The following PDE6B variants were observed in gnomAD, a reference collection of about 807,000 sequenced individuals.
The protein encoded by PDE6B is rod cGMP-specific 3',5'-cyclic phosphodiesterase subunit beta.
Under a neutral mutation model 109.0 loss-of-function variants are expected in PDE6B, and 106 were observed. The observed-to-expected ratio is 0.97, with a 90% CI of 0.83 to 1.14. The LOEUF is 1.14. PDE6B is among the 50% of genes most tolerant of loss of function. The pLI, the probability that PDE6B is intolerant of heterozygous loss-of-function variation, is 0.00. For missense variants in PDE6B, 1,193 were observed against 1,155.6 expected, an observed-to-expected ratio of 1.03 and a Z score of -0.47; for synonymous variants, 490 against 471.3, an observed-to-expected ratio of 1.04 and a Z score of -0.51.
chr4:665,013 G>A lies in PDE6B; in HGVS notation c.2193+69G>A. On this transcript the variant is annotated intron_variant, in intron 18 of 21. Coordinates refer to ENST00000496514, the MANE Select transcript of PDE6B (RefSeq NM_000283.4). This position sits in a 1 kb window ranked among gnomAD's most constrained non-coding sequence, Gnocchi z 4.0. The stretch of plus-strand genomic sequence containing the variant: ...GCACATGGGACTGCCGGGCGGGCGG[G>A]AGCCTCGGATGGCAACGGACCATTG... 2.3e-6 allele frequency: 3 copies of A among 1,297,122 alleles called. No individual in the cohort carries two copies. Among genetic ancestry groups the A allele is most frequent in the South Asian group, 1.2e-5 (1 of 84,738 alleles). The allele number at this position is 1,297,122 out of a possible 1,614,324, so 80.4% of individuals were successfully genotyped here.
At chr4:643,474 G>A (rs547508242) in intron 3 of PDE6B, among the ~76,000 whole-genome samples, 1 of 152,282 alleles carries the variant, frequency 6.6e-6, no homozygotes, top group East Asian at 1.9e-4. Context: ...GGAAGGGATT[G>A]TAGTGAATTG....
chr4:656,338 G>A (rs760011611), intron 8 of PDE6B, 46 bp downstream of exon 8: 8 of 1,249,146 alleles, frequency 6.4e-6, no homozygotes, highest in South Asian at 1.2e-5. Context: ...TTACAAAAGA[G>A]GAGATTTTGA....
chr4:626,958 C>T lies in PDE6B; in HGVS notation c.468+864C>T, dbSNP rs1577235631. ...AGGGGGGAAGCCCCTTCTCCCTGTC[C>T]TGCACCCGTCCCAGCTTCCTCTCCC... On this transcript the variant is annotated intron_variant, in intron 1 of 21. Coordinates refer to ENST00000496514, the MANE Select transcript of PDE6B (RefSeq NM_000283.4). The surrounding 1 kb of genome is among the most constrained non-coding windows in gnomAD (Gnocchi z 4.6). 6.6e-6 allele frequency among the ~76,000 whole-genome samples: 1 copy of T among 152,272 alleles called. No homozygotes were observed. The highest frequency in any genetic ancestry group is 1.5e-5 in the Non-Finnish European group (1 of 68,008).
At chr4:634,506 C>G (rs968698651) in intron 1 of PDE6B, among the ~76,000 whole-genome samples, 171 bp from the exon 2 acceptor site, 4 of 152,180 alleles carry the variant, frequency 2.6e-5, no homozygotes, top group African/African-American at 9.7e-5. Context: ...GCCACAGGGA[C>G]AGGCCCAGCT....
chr4:651,477 C>G (rs1334663599), intron 3 of PDE6B: 2 of 152,990 alleles, frequency 1.3e-5, no homozygotes, highest in African/African-American at 4.8e-5. Flanking sequence ...CGGCAGGAGA[C>G]AGACTGAGTG....
chr4:660,608 CAGG>C lies in PDE6B; in HGVS notation c.1613_1614+1del. 6.2e-7 allele frequency: 1 copy of C among 1,613,546 alleles called. No individual in the cohort carries two copies. Among genetic ancestry groups the C allele is most frequent in the South Asian group, 1.1e-5 (1 of 91,060 alleles). On this transcript the variant is annotated inframe_deletion and splice_region_variant, in exon 12 of 22. Coordinates refer to ENST00000496514, the MANE Select transcript of PDE6B (RefSeq NM_000283.4). ...CGTGGTCCGAAAGTTCCAGATCCCC[CAGG>C]AGGTGGGAGACACCGCAGGGCGCAT...
chr4:647,942 G>C lies in PDE6B; in HGVS notation c.712-5910G>C, dbSNP rs142148489. On this transcript the variant is annotated intron_variant, in intron 3 of 21. Transcript: ENST00000496514. ...TACAAAAAATTAGCTGGGCGTGGTG[G>C]TGCATGCCTATAACCCCAGCTACTC... 7.3e-3 allele frequency among the ~76,000 whole-genome samples: 1,108 copies of C among 152,018 alleles called. 14 individuals are homozygous for C. The highest frequency in any genetic ancestry group is 0.013 in the East Asian group (67 of 5,168).
chr4:637,946 G>A lies in PDE6B; in HGVS notation c.711+1977G>A, dbSNP rs531426173. Reference sequence around the variant, plus strand: ...GATACCAGCGCAGGGGAATAGCCGCGTCAGGACTGTTCACCCACACCCCGT... The same window carrying A: ...GATACCAGCGCAGGGGAATAGCCGCATCAGGACTGTTCACCCACACCCCGT... On this transcript the variant is annotated intron_variant, in intron 3 of 21. Coordinates refer to ENST00000496514, the MANE Select transcript of PDE6B (RefSeq NM_000283.4). 7.2e-5 allele frequency among the ~76,000 whole-genome samples: 11 copies of A among 152,290 alleles called. No individual in the cohort carries two copies. The South Asian group carries it at 8.3e-4, about 11-fold the overall frequency.
chr4:657,622 G>A (rs1316254216), intron 10 of PDE6B, 128 bp downstream of exon 10: 3 of 917,030 alleles, frequency 3.3e-6, no homozygotes, highest in Non-Finnish European at 5.1e-6. Flanking sequence ...GTCACCCAGG[G>A]GTCACGGCTG....
At chr4:651,545 T>C (rs1490702459) in intron 3 of PDE6B, 1 of 151,972 alleles carries the variant, frequency 6.6e-6, no homozygotes, top group African/African-American at 2.4e-5. Flanking sequence ...CGGCTCTGGG[T>C]GAACCAGTCA....
chr4:646,708 C>T (rs1379918502), intron 3 of PDE6B, among the ~76,000 whole-genome samples: 1 of 152,052 alleles, frequency 6.6e-6, no homozygotes, highest in Admixed American at 6.5e-5. Context: ...TCCGGCCGGG[C>T]GGCGGCGCAC....
At position 663,750 on chromosome 4, in the gene PDE6B, G is replaced by T; in HGVS notation, c.1921-20G>T. On this transcript the variant is annotated intron_variant, in intron 15 of 21. Coordinates refer to ENST00000496514, the MANE Select transcript of PDE6B (RefSeq NM_000283.4). The surrounding 1 kb of genome is among the most constrained non-coding windows in gnomAD (Gnocchi z 4.0). Reference sequence around the variant, plus strand: ...GAGGTGGCCGCAGGGCGCCTGACGCGCTGGGCATAACCTCCGCAGACCCTG... The same window carrying T: ...GAGGTGGCCGCAGGGCGCCTGACGCTCTGGGCATAACCTCCGCAGACCCTG... 6.3e-7 allele frequency: 1 copy of T among 1,597,090 alleles called. No individual in the cohort carries two copies. Among genetic ancestry groups the T allele is most frequent in the Non-Finnish European group, 8.6e-7 (1 of 1,165,998 alleles).
chr4:663,985 C>G lies in PDE6B; in HGVS notation c.2021+115C>G. 1 of 1,102,622 alleles carries G rather than the reference C, an allele frequency of 9.1e-7. No individual in the cohort carries two copies. Among genetic ancestry groups the G allele is most frequent in the Non-Finnish European group, 1.4e-6 (1 of 731,476 alleles). 68.3% of individuals were successfully genotyped at this position (1,102,622 alleles called of 1,614,324 possible). ...CGGGGGACGCAGCCCCGGATTCCGTCCCTGCCCGCCGGCCCCGCGCACCCC... is the reference window on the plus strand; with the variant it reads ...CGGGGGACGCAGCCCCGGATTCCGTGCCTGCCCGCCGGCCCCGCGCACCCC... On this transcript the variant is annotated intron_variant, in intron 16 of 21. Coordinates refer to ENST00000496514, the MANE Select transcript of PDE6B (RefSeq NM_000283.4). This position sits in a 1 kb window ranked among gnomAD's most constrained non-coding sequence, Gnocchi z 4.0.
rs377053879 is a variant in PDE6B at position 626,627 on chromosome 4, C to T, written c.468+533C>T. 1.2e-4 allele frequency among the ~76,000 whole-genome samples: 19 copies of T among 152,316 alleles called. No homozygotes were observed. In the South Asian group the frequency reaches 3.1e-3, roughly 25 times the overall value. On this transcript the variant is annotated intron_variant, in intron 1 of 21. Transcript: ENST00000496514. This position sits in a 1 kb window ranked among gnomAD's most constrained non-coding sequence, Gnocchi z 4.6. Reference sequence around the variant, plus strand: ...AGCAGCTTTATCCCATGGGAGCCCACGCCAGCCGCCAGGGGAGAACAAACC... The same window carrying T: ...AGCAGCTTTATCCCATGGGAGCCCATGCCAGCCGCCAGGGGAGAACAAACC...
intron 8 of PDE6B, among the ~76,000 whole-genome samples, chr4:656,623 T>A (rs1320450493): frequency 1.3e-5 from 2 of 151,064 alleles, no homozygotes; most frequent in Non-Finnish European, 2.9e-5. Context: ...CCCACACACA[T>A]GCCCATGAAA....
rs951591482 is a variant in PDE6B at position 663,044 on chromosome 4, G to T, written c.1833-56G>T. 2 of 969,452 alleles carry T rather than the reference G, an allele frequency of 2.1e-6. No homozygotes were observed. Among genetic ancestry groups the T allele is most frequent in the Non-Finnish European group, 3.4e-6 (2 of 591,528 alleles). The allele number at this position is 969,452 out of a possible 1,614,324, so 60.1% of individuals were successfully genotyped here. A position where few individuals can be genotyped will look rare whatever the true frequency, so the allele number is the denominator to read the frequency against. ...GGCCCATCTGGGGGGGCTGCAGAGCGCAGGGTGGGCCAAGGGCAGGTCCCA... is the reference window on the plus strand; with the variant it reads ...GGCCCATCTGGGGGGGCTGCAGAGCTCAGGGTGGGCCAAGGGCAGGTCCCA... On this transcript the variant is annotated intron_variant, in intron 14 of 21. Transcript: ENST00000496514. This position sits in a 1 kb window ranked among gnomAD's most constrained non-coding sequence, Gnocchi z 4.0.
chr4:669,511 C>A (rs1484111900), intron 21 of PDE6B, among the ~76,000 whole-genome samples: 1 of 108,710 alleles, frequency 9.2e-6, no homozygotes, highest in Admixed American at 8.5e-5. Flanking sequence ...GCTATTCCCA[C>A]TACCCCATGC....
At position 632,742 on chromosome 4, in the gene PDE6B, G is replaced by A. The variant is rs1470118501; in HGVS notation, c.469-1935G>A. 5.3e-5 allele frequency among the ~76,000 whole-genome samples: 8 copies of A among 151,154 alleles called. No homozygotes were observed. The South Asian group carries it at 1.3e-3, about 24-fold the overall frequency. On this transcript the variant is annotated intron_variant, in intron 1 of 21. Transcript: ENST00000496514. ...CCGTGTGGCACCATCTCTGGATCAC[G>A]TTGTGTGGATCCATGTGGCACCATC...
rs765859057 is a variant in PDE6B at position 666,530 on chromosome 4, G to A, written c.2269-1G>A. On this transcript the variant is annotated splice_acceptor_variant, in intron 19 of 21. Coordinates refer to ENST00000496514, the MANE Select transcript of PDE6B (RefSeq NM_000283.4). LOFTEE classifies it high-confidence loss of function. The surrounding 1 kb of genome is among the most constrained non-coding windows in gnomAD (Gnocchi z 5.6). Reference sequence around the variant, plus strand: ...CTCCCGCCCTCTGTTCCTCCCACCAGCCTATGATGGACCGGAACAAGGCGG... The same window carrying A: ...CTCCCGCCCTCTGTTCCTCCCACCAACCTATGATGGACCGGAACAAGGCGG... The A allele has an allele frequency of 6.2e-6, 10 of 1,608,986 alleles. No individual in the cohort carries two copies. The Admixed American group carries it at 1.5e-4, about 24-fold the overall frequency.
Sources: allele counts gnomAD v4.1 joint callset (sites outside exome capture counted in the v4.1 genomes callset), GRCh38; gene constraint gnomAD v4.1.1; non-coding constraint Gnocchi (gnomAD v3.1); transcripts MANE v1.5; gene names NCBI Gene and HGNC (gene_info 2026-07-23, HGNC 2026-07-21).